The following WDR41 variants were observed in gnomAD, a reference collection of about 807,000 sequenced individuals.
WDR41 encodes WD repeat domain 41, also known as WD repeat-containing protein 41.
In WDR41, 63 loss-of-function variants were observed where a neutral mutation model predicts 69.3. The observed-to-expected ratio is 0.91, with a 90% CI of 0.74 to 1.12. WDR41 has a LOEUF of 1.12. WDR41 is among the 50% of genes most tolerant of loss of function. WDR41 has a pLI of 0.00. For synonymous variants in WDR41, 185 were observed against 192.1 expected (o/e 0.96, Z 0.31); for missense variants, 543 against 534.5 (o/e 1.02, Z -0.16).
At chr5:77,506,208 T>C (rs571066401) in intron 1 of WDR41, among the ~76,000 whole-genome samples, 15 of 151,542 alleles carry the variant, frequency 9.9e-5, no homozygotes, top group Non-Finnish European at 1.5e-4. Context: ...ACAAACAACC[T>C]CATCAAAAAG....
At chr5:77,541,648 A>G (rs1417742812) in intron 1 of WDR41, among the ~76,000 whole-genome samples, 2 of 151,990 alleles carry the variant, frequency 1.3e-5, no homozygotes, top group African/African-American at 4.8e-5. Context: ...ATCCACCACC[A>G]CGCCAGGCTA....
chr5:77,610,282 T>A (rs971555666), intron 1 of WDR41, among the ~76,000 whole-genome samples: 3 of 152,154 alleles, frequency 2.0e-5, no homozygotes, highest in Admixed American at 6.5e-5. Context: ...AGGCCAATGT[T>A]CAGATTCAGG....
chr5:77,539,766 C>T (rs1270584474), intron 1 of WDR41, among the ~76,000 whole-genome samples: 1 of 152,048 alleles, frequency 6.6e-6, no homozygotes, highest in African/African-American at 2.4e-5. Flanking sequence ...GAAAACACCA[C>T]AATAGTGACA....
intron 1 of WDR41, among the ~76,000 whole-genome samples, chr5:77,590,829 T>C (rs1405298187): frequency 6.6e-6 from 1 of 152,226 alleles, no homozygotes; most frequent in Non-Finnish European, 1.5e-5. Flanking sequence ...TATTTTTCCT[T>C]TCTTGTATTG....
chr5:77,473,771 C>T (rs1416762456), intron 2 of WDR41, among the ~76,000 whole-genome samples: 2 of 152,060 alleles, frequency 1.3e-5, no homozygotes, highest in African/African-American at 4.8e-5. Context: ...GTTAGAATGG[C>T]GATCATTAAA....
chr5:77,479,922 C>T (rs1415179424), intron 2 of WDR41, among the ~76,000 whole-genome samples: 8 of 151,890 alleles, frequency 5.3e-5, no homozygotes, highest in Non-Finnish European at 1.2e-4. Context: ...GCAACCTACT[C>T]ATCTGACAAA....
intron 1 of WDR41, among the ~76,000 whole-genome samples, chr5:77,615,096 GA>G (rs942142419): frequency 6.6e-6 from 1 of 152,180 alleles, no homozygotes; most frequent in African/African-American, 2.4e-5. Flanking sequence ...TTTGAAGGGT[GA>G]AGGTAATGTT....
At chr5:77,613,888 T>C (rs905380046) in intron 1 of WDR41, among the ~76,000 whole-genome samples, 2 of 152,134 alleles carry the variant, frequency 1.3e-5, no homozygotes, top group African/African-American at 4.8e-5. Flanking sequence ...ATTTTTGCAA[T>C]CTACTCATCT....
chr5:77,558,816 G>A (rs940497623), intron 1 of WDR41, among the ~76,000 whole-genome samples: 8 of 152,096 alleles, frequency 5.3e-5, no homozygotes, highest in Admixed American at 1.3e-4. Flanking sequence ...TGCAAGACAT[G>A]AATTGTTTAG....
chr5:77,608,648 A>C (rs1744475599), intron 1 of WDR41, among the ~76,000 whole-genome samples: 1 of 152,216 alleles, frequency 6.6e-6, no homozygotes, highest in Admixed American at 6.5e-5. Context: ...AATTCCATTT[A>C]AAAGAAATGT....
chr5:77,541,368 T>C (rs1050800962), intron 1 of WDR41, among the ~76,000 whole-genome samples: 2 of 151,466 alleles, frequency 1.3e-5, no homozygotes, highest in Non-Finnish European at 2.9e-5. Context: ...ATATCACTGA[T>C]CATTAGAGAA....
chr5:77,508,339 C>G (rs185075984), intron 1 of WDR41, among the ~76,000 whole-genome samples: 139 of 152,256 alleles, frequency 9.1e-4, no homozygotes, highest in African/African-American at 3.1e-3. Flanking sequence ...ATCTTGAACT[C>G]CTGGGCTCAA....
chr5:77,580,376 C>G (rs559115302), intron 1 of WDR41, among the ~76,000 whole-genome samples: 2 of 152,064 alleles, frequency 1.3e-5, no homozygotes, highest in African/African-American at 4.8e-5. Context: ...AGATTTCATA[C>G]GAACTCACTC....
intron 1 of WDR41, among the ~76,000 whole-genome samples, chr5:77,512,381 T>A (rs1161248788): frequency 2.1e-5 from 3 of 146,204 alleles, no homozygotes; most frequent in African/African-American, 7.5e-5. Context: ...TGTGTGTGTG[T>A]GTGTGTGTGT....
At chr5:77,544,603 T>G (rs527395014) in intron 1 of WDR41, among the ~76,000 whole-genome samples, 1 of 152,064 alleles carries the variant, frequency 6.6e-6, no homozygotes, top group Non-Finnish European at 1.5e-5. Context: ...AAAGGCCTTG[T>G]CCAAGAGGAA....
intron 2 of WDR41, among the ~76,000 whole-genome samples, chr5:77,478,525 G>A (rs1478333692): frequency 1.1e-4 from 17 of 152,064 alleles, no homozygotes; most frequent in African/African-American, 1.9e-4. Flanking sequence ...TTCAATATAC[G>A]CAAATCAATA....
intron 5 of WDR41, among the ~76,000 whole-genome samples, chr5:77,458,069 C>T (rs955545791): frequency 6.6e-5 from 10 of 152,006 alleles, no homozygotes; most frequent in Admixed American, 6.6e-4. Flanking sequence ...CTTAGTTTTT[C>T]AGGTAGCAAG....
chr5:77,555,813 T>C (rs1421880686), intron 1 of WDR41, among the ~76,000 whole-genome samples: 2 of 152,170 alleles, frequency 1.3e-5, no homozygotes, highest in Non-Finnish European at 2.9e-5. Flanking sequence ...AAAGATTCAA[T>C]ACTATTTCAA....
At chr5:77,456,226 C>T (rs1177496839) in intron 5 of WDR41, among the ~76,000 whole-genome samples, 2 of 152,134 alleles carry the variant, frequency 1.3e-5, no homozygotes. Context: ...CCAGGTTAGT[C>T]GTGAACTCCT....
Sources: gnomAD v4.1 joint callset for allele counts (sites outside exome capture counted in the v4.1 genomes callset) on GRCh38, gnomAD v4.1.1 for gene constraint, MANE v1.5 for transcripts, NCBI Gene and HGNC (gene_info 2026-07-23, HGNC 2026-07-21) for gene names.